Variants in MOB3B observed in about 807,000 individuals in gnomAD.
MOB3B encodes MOB kinase activator 3B, also known as MOB kinase activator-like 2B.
MOB3B carries 7 observed loss-of-function variants against 18.7 expected under a neutral mutation model. The ratio of observed to expected loss-of-function variants is 0.37; its 90% CI spans 0.21 to 0.70. The LOEUF is 0.70. Among genes scored for constraint, MOB3B ranks in the 30% least tolerant of loss-of-function variants. MOB3B has a pLI of 0.52. For synonymous variants in MOB3B, 111 were observed against 99.9 expected (o/e 1.11, Z -0.66); for missense variants, 253 against 281.3 (o/e 0.90, Z 0.72).
intron 2 of MOB3B, 121 bp downstream of exon 2, chr9:27,455,012 C>T: frequency 9.9e-7 from 1 of 1,015,010 alleles, no homozygotes; most frequent in South Asian, 1.5e-5. Context: ...TCACTCACTA[C>T]AGGTATGTGA....
rs1820711893 is a variant in MOB3B, at chr9:27,326,346, G to T, written c.*4241C>A. 2 of 396,732 alleles carry T rather than the reference G, an allele frequency of 5.0e-6. No homozygotes were observed. Among genetic ancestry groups the T allele is most frequent in the Non-Finnish European group, 8.9e-6 (2 of 225,446 alleles). 24.6% of individuals were successfully genotyped at this position (396,732 alleles called of 1,614,324 possible). On this transcript the variant is annotated 3_prime_UTR_variant, in exon 4 of 4. Transcript: ENST00000262244. The stretch of plus-strand genomic sequence containing the variant: ...GGAGGCTGAAGCACAACTGGTAATA[G>T]CCTTCAGATATTTAATGGATATGCA...
intron 3 of MOB3B, among the ~76,000 whole-genome samples, chr9:27,339,030 G>A (rs1820903827): frequency 6.6e-6 from 1 of 152,160 alleles, no homozygotes; most frequent in Non-Finnish European, 1.5e-5. Flanking sequence ...GTGTGAGGCT[G>A]TGGAGGGAGT....
intron 2 of MOB3B, chr9:27,378,730 G>A (rs1316609599): frequency 2.1e-6 from 1 of 468,116 alleles, no homozygotes; most frequent in Admixed American, 2.4e-5. Context: ...GGGCAGAGCT[G>A]GGCATGTGAC....
intron 1 of MOB3B, among the ~76,000 whole-genome samples, chr9:27,520,540 A>G (rs959168495): frequency 1.3e-5 from 2 of 152,222 alleles, no homozygotes; most frequent in Non-Finnish European, 2.9e-5. Context: ...TTTACAGAAC[A>G]GAGGTATGAC....
intron 3 of MOB3B, among the ~76,000 whole-genome samples, chr9:27,340,727 C>T (rs1413843981): frequency 1.8e-4 from 27 of 152,314 alleles, no homozygotes; most frequent in Non-Finnish European, 4.0e-4. Flanking sequence ...ACTGATGCTA[C>T]CTGTGATCAA....
intron 2 of MOB3B, among the ~76,000 whole-genome samples, chr9:27,371,368 C>A (rs1821412917): frequency 6.6e-6 from 1 of 152,144 alleles, no homozygotes; most frequent in Non-Finnish European, 1.5e-5. Context: ...CTTCTCCAGA[C>A]AAACAGAATC....
In MOB3B at chr9:27,454,384, T is replaced by C. The variant is rs73646506; in HGVS notation, c.418+749A>G. Among the ~76,000 whole-genome samples the C allele has an allele frequency of 9.5e-3, 1,450 of 152,312 alleles. 23 individuals are homozygous for C. The highest frequency in any genetic ancestry group is 0.032 in the African/African-American group (1,340 of 41,556). On this transcript the variant is annotated intron_variant, in intron 2 of 3. Transcript: ENST00000262244. ...GGCACTGGAGCTACAACAGTGGACA[T>C]AGGAGATTGCGGATTCCTATTCAGC...
chr9:27,447,403 G>A (rs1223627295), intron 2 of MOB3B, among the ~76,000 whole-genome samples: 2 of 152,184 alleles, frequency 1.3e-5, no homozygotes, highest in Non-Finnish European at 2.9e-5. Flanking sequence ...AGCAGCAGAT[G>A]CCCCCATCCC....
intron 2 of MOB3B, among the ~76,000 whole-genome samples, chr9:27,376,545 A>G (rs932112751): frequency 1.3e-5 from 2 of 152,380 alleles, no homozygotes; most frequent in South Asian, 2.1e-4. Context: ...TCCTTTGAGT[A>G]TAGCAGTGGT....
chr9:27,455,177 A>G lies in MOB3B; in HGVS notation c.374T>C (p.Ile125Thr), dbSNP rs1185116481. 3.1e-6 allele frequency: 5 copies of G among 1,613,950 alleles called. No homozygotes were observed. Among genetic ancestry groups the G allele is most frequent in the African/African-American group, 2.7e-5 (2 of 74,890 alleles). Residue 125 changes from isoleucine (I) to threonine (T), a missense_variant, in exon 2 of 4, where the codon ATT becomes ACT. Transcript: ENST00000262244. ...TTCCTCGTTGTTGATCTGAACCTCA[A>G]TCCAATCCATAAGAAGGTTCATGTA... ...PQYMNLLMDW[I>T]EVQINNEEIF...
intron 1 of MOB3B, among the ~76,000 whole-genome samples, chr9:27,481,892 T>C (rs914673905): frequency 6.6e-6 from 1 of 152,148 alleles, no homozygotes; most frequent in African/African-American, 2.4e-5. Context: ...ATGTTAACTT[T>C]CAAAAACCTG....
chr9:27,479,073 G>A (rs1819606274), intron 1 of MOB3B, among the ~76,000 whole-genome samples: 4 of 152,090 alleles, frequency 2.6e-5, no homozygotes, highest in Admixed American at 2.6e-4. Flanking sequence ...AAAAATGGGG[G>A]TATTTTAACC....
intron 2 of MOB3B, among the ~76,000 whole-genome samples, chr9:27,442,098 A>G (rs925016015): frequency 1.3e-5 from 2 of 152,248 alleles, no homozygotes; most frequent in Non-Finnish European, 2.9e-5. Context: ...TTTCATAAAA[A>G]AAGTTATTTT....
intron 1 of MOB3B, among the ~76,000 whole-genome samples, chr9:27,475,023 C>T (rs1182846860): frequency 1.3e-5 from 2 of 152,192 alleles, no homozygotes; most frequent in Non-Finnish European, 2.9e-5. Context: ...AGGGATGGGG[C>T]ACTCTTCTGA....
chr9:27,518,945 CAT>C (rs1417519273), intron 1 of MOB3B, among the ~76,000 whole-genome samples: 2 of 152,286 alleles, frequency 1.3e-5, no homozygotes, highest in African/African-American at 4.8e-5. Context: ...GAGGGGAAGA[CAT>C]ATGAATCAAC....
chr9:27,516,687 C>T (rs1820240595), intron 1 of MOB3B, among the ~76,000 whole-genome samples: 1 of 152,218 alleles, frequency 6.6e-6, no homozygotes, highest in South Asian at 2.1e-4. Flanking sequence ...TCCTCTTCTG[C>T]TGCCCACTGT....
chr9:27,410,719 G>A (rs575631284), intron 2 of MOB3B, among the ~76,000 whole-genome samples: 5 of 152,182 alleles, frequency 3.3e-5, no homozygotes, highest in African/African-American at 1.2e-4. Flanking sequence ...TCACCACACA[G>A]ATCAGTGTTA....
chr9:27,441,155 A>G (rs1822590096), intron 2 of MOB3B, among the ~76,000 whole-genome samples: 1 of 152,166 alleles, frequency 6.6e-6, no homozygotes, highest in African/African-American at 2.4e-5. Flanking sequence ...ACTTCCACCA[A>G]CAAATGTAAT....
rs145835676 is a variant in MOB3B at position 27,510,855 on chromosome 9, C to G, written c.-199+18700G>C. On this transcript the variant is annotated intron_variant, in intron 1 of 3. Coordinates refer to ENST00000262244, the MANE Select transcript of MOB3B (RefSeq NM_024761.5). ...CACAGTGGGGGTCAGGAGATACTCC[C>G]TGAAGTCTACTGCAGAGACCTTGGC... Among the ~76,000 whole-genome samples, 354 of 152,344 alleles carry G rather than the reference C, an allele frequency of 2.3e-3. 2 individuals carry two copies. The highest frequency in any genetic ancestry group is 6.3e-3 in the African/African-American group (260 of 41,574).
Sources: allele counts gnomAD v4.1 joint callset (sites outside exome capture counted in the v4.1 genomes callset), GRCh38; gene constraint gnomAD v4.1.1; transcripts MANE v1.5; gene names NCBI Gene and HGNC (gene_info 2026-07-23, HGNC 2026-07-21).